The following C6orf89 variants were observed in gnomAD, a reference collection of about 807,000 sequenced individuals.
The protein encoded by C6orf89 is bombesin receptor-activated protein C6orf89.
A neutral mutation model predicts 40.7 loss-of-function variants in C6orf89; 29 were observed. The ratio of observed to expected loss-of-function variants is 0.71; its 90% CI spans 0.53 to 0.97. The LOEUF (loss-of-function observed/expected upper bound fraction) is 0.97. Among genes scored for constraint, C6orf89 ranks in the 50% least tolerant of loss-of-function variants. The pLI, the probability that C6orf89 is intolerant of heterozygous loss-of-function variation, is 0.00. For synonymous variants in C6orf89, 165 were observed against 152.2 expected, an observed-to-expected ratio of 1.08 and a Z score of -0.62; for missense variants, 392 against 429.1, an observed-to-expected ratio of 0.91 and a Z score of 0.76.
intron 4 of C6orf89, 86 bp downstream of exon 4, chr6:36,902,520 T>G: frequency 8.2e-7 from 1 of 1,216,840 alleles, no homozygotes; most frequent in Non-Finnish European, 1.2e-6. Flanking sequence ...TGATACCTAA[T>G]GAGAGGCAAG....
intron 2 of C6orf89, among the ~76,000 whole-genome samples, chr6:36,879,337 C>A (rs1243825395): frequency 6.6e-6 from 1 of 152,142 alleles, no homozygotes; most frequent in Non-Finnish European, 1.5e-5. Context: ...TGTTTTATCA[C>A]ATGTATTTTG....
chr6:36,904,115 G>A (rs1220443868), intron 4 of C6orf89, among the ~76,000 whole-genome samples: 1 of 151,962 alleles, frequency 6.6e-6, no homozygotes, highest in Admixed American at 6.5e-5. Flanking sequence ...CTCCCTAACG[G>A]CAACTCCTGA....
rs568102169 is a variant in C6orf89, at chr6:36,924,809, T to C, written c.*1368T>C. ...GCAGTAGGTGTCTATGTCAGAATTA[T>C]GGATCAGAGGCAGACAATGACGAGT... On this transcript the variant is annotated 3_prime_UTR_variant, in exon 9 of 9. Transcript: ENST00000480824. 6.6e-6 allele frequency: 1 copy of C among 152,336 alleles called. No individual in the cohort carries two copies. Among genetic ancestry groups the C allele is most frequent in the African/African-American group, 2.4e-5 (1 of 41,580 alleles). 9.4% of individuals were successfully genotyped at this position (152,336 alleles called of 1,614,324 possible). A position where few individuals can be genotyped will look rare whatever the true frequency, so the allele number is the denominator to read the frequency against.
chr6:36,887,608 A>G (rs12524018), intron 1 of C6orf89, among the ~76,000 whole-genome samples: 12,495 of 152,312 alleles, frequency 0.082, 662 homozygotes, highest in South Asian at 0.12. Flanking sequence ...ATGCAAAAGC[A>G]AAAAGATGTG....
chr6:36,922,695 T>C (rs1342881064), intron 8 of C6orf89, among the ~76,000 whole-genome samples: 1 of 152,210 alleles, frequency 6.6e-6, no homozygotes, highest in Non-Finnish European at 1.5e-5. Context: ...CCTATTTTCT[T>C]TGGAATATCT....
At chr6:36,911,241 G>A (rs966909397) in intron 4 of C6orf89, among the ~76,000 whole-genome samples, 1 of 152,218 alleles carries the variant, frequency 6.6e-6, no homozygotes, top group African/African-American at 2.4e-5. Context: ...TGTAATCCCA[G>A]CACTTTGCAA....
chr6:36,908,580 A>T (rs1209201717), intron 4 of C6orf89, among the ~76,000 whole-genome samples: 1 of 152,208 alleles, frequency 6.6e-6, no homozygotes, highest in Non-Finnish European at 1.5e-5. Flanking sequence ...AAATAGATAT[A>T]CTTAATATAT....
intron 1 of C6orf89, among the ~76,000 whole-genome samples, chr6:36,892,555 C>T (rs958032140): frequency 2.8e-4 from 43 of 152,156 alleles, no homozygotes; most frequent in African/African-American, 1.0e-3. Flanking sequence ...TGCCAAATGT[C>T]CCCTTTGGAG....
In C6orf89 at chr6:36,916,426, C is replaced by T; in HGVS notation, c.696-19C>T. On this transcript the variant is annotated intron_variant, in intron 6 of 8. Transcript: ENST00000480824. ...CTTGACCAGTTTAATTACTTTTTTT[C>T]TGTTTCATACTTCTACAGGAGGAGA... is the stretch of plus-strand genomic sequence containing the variant. 1 of 1,611,488 alleles carries T rather than the reference C, an allele frequency of 6.2e-7. No homozygotes were observed. Among genetic ancestry groups the T allele is most frequent in the Admixed American group, 1.7e-5 (1 of 59,504 alleles).
chr6:36,892,562 G>A (rs1258428169), intron 1 of C6orf89, among the ~76,000 whole-genome samples: 2 of 152,144 alleles, frequency 1.3e-5, no homozygotes, highest in South Asian at 4.1e-4. Flanking sequence ...TGTCCCCTTT[G>A]GAGCAGAATT....
In C6orf89 at chr6:36,919,599, T is replaced by G. The variant is rs1337131195; in HGVS notation, c.847T>G (p.Phe283Val). ...CCAGATGCATAAGATGCCTGACCTA[T>G]TTATCATTGGCAGCGGTGAGGCCAT... is the stretch of plus-strand genomic sequence containing the variant. ...GSKMHKMPDL[F>V]IIGSGEAMLQ... Residue 283 changes from phenylalanine (F) to valine (V), a missense_variant, in exon 8 of 9, where the codon TTT becomes GTT. Phe to Val is a conservative substitution (Grantham distance 50). Coordinates refer to ENST00000480824, the MANE Select transcript of C6orf89 (RefSeq NM_001286635.2). 2.5e-6 allele frequency: 4 copies of G among 1,613,932 alleles called. No homozygotes were observed. Among genetic ancestry groups the G allele is most frequent in the Non-Finnish European group, 3.4e-6 (4 of 1,179,940 alleles).
At position 36,899,570 on chromosome 6, in the gene C6orf89, G is replaced by C. The variant is rs766794131; in HGVS notation, c.126G>C (p.Leu42=). 17 of 1,614,086 alleles carry C rather than the reference G, an allele frequency of 1.1e-5. No homozygotes were observed. Among genetic ancestry groups the C allele is most frequent in the Non-Finnish European group, 1.4e-5 (17 of 1,180,034 alleles). ...EKAIEKFIRQ[L]LEKNEPQRPP... The stretch of plus-strand genomic sequence containing the variant: ...CAATTGAAAAATTTATCAGACAGCT[G>C]CTGGAAAAGAATGAACCTCAGAGAC... Residue 42 remains leucine, a synonymous_variant, in exon 3 of 9, where the codon CTG becomes CTC. Coordinates refer to ENST00000480824, the MANE Select transcript of C6orf89 (RefSeq NM_001286635.2).
rs925246519 is a variant in C6orf89 at position 36,892,229 on chromosome 6, C to G, written c.-119-2275C>G. On this transcript the variant is annotated intron_variant, in intron 1 of 8. Coordinates refer to ENST00000480824, the MANE Select transcript of C6orf89 (RefSeq NM_001286635.2). ...CAGGCCTCTCTTGAAAGCAAGGTTTCTTGACCTCGTTTTGAGGAGGGGTAG... is the reference window on the plus strand; with the variant it reads ...CAGGCCTCTCTTGAAAGCAAGGTTTGTTGACCTCGTTTTGAGGAGGGGTAG... Among the ~76,000 whole-genome samples the G allele has an allele frequency of 5.9e-5, 9 of 152,310 alleles. No homozygotes were observed. The East Asian group carries it at 1.7e-3, about 29-fold the overall frequency.
chr6:36,881,956 C>G (rs1338913088), upstream of C6orf89, among the ~76,000 whole-genome samples: 1 of 151,952 alleles, frequency 6.6e-6, no homozygotes. Flanking sequence ...TAAAAATACA[C>G]TAATGGAAAC....
chr6:36,893,237 A>ATT (rs560760532), intron 1 of C6orf89, among the ~76,000 whole-genome samples: 5 of 144,762 alleles, frequency 3.5e-5, no homozygotes, highest in African/African-American at 1.3e-4. Flanking sequence ...CCCGGCCTTG[A>ATT]TTTTTTTTTT....
At chr6:36,919,030 G>C (rs573683234) in intron 7 of C6orf89, among the ~76,000 whole-genome samples, 2 of 152,296 alleles carry the variant, frequency 1.3e-5, no homozygotes, top group South Asian at 4.1e-4. Flanking sequence ...ACTTGCTGCT[G>C]TACAATTCTT....
chr6:36,903,876 C>T (rs548552748), intron 4 of C6orf89, among the ~76,000 whole-genome samples: 3 of 151,458 alleles, frequency 2.0e-5, no homozygotes, highest in South Asian at 4.2e-4. Flanking sequence ...ATCAACAGCT[C>T]AGATATTTCA....
intron 2 of C6orf89, among the ~76,000 whole-genome samples, chr6:36,896,263 A>G (rs891645020): frequency 6.6e-6 from 1 of 152,126 alleles, no homozygotes; most frequent in Non-Finnish European, 1.5e-5. Flanking sequence ...GCCTGCCACC[A>G]CACCCGGCTA....
chr6:36,920,109 G>A (rs1762463174), intron 8 of C6orf89, among the ~76,000 whole-genome samples: 1 of 152,038 alleles, frequency 6.6e-6, no homozygotes, highest in Admixed American at 6.6e-5. Flanking sequence ...GCCAGGAGAG[G>A]GACAATCAAG....
Sources: allele counts gnomAD v4.1 joint callset (sites outside exome capture counted in the v4.1 genomes callset), GRCh38; gene constraint gnomAD v4.1.1; transcripts MANE v1.5; gene names NCBI Gene and HGNC (gene_info 2026-07-23, HGNC 2026-07-21).